Variants in SND1 observed in about 807,000 individuals in gnomAD.
The protein encoded by SND1 is staphylococcal nuclease domain-containing protein 1.
In SND1, 38 loss-of-function variants were observed where a neutral mutation model predicts 121.7. That is an observed-to-expected ratio of 0.31 (90% CI 0.24 to 0.41). The LOEUF (loss-of-function observed/expected upper bound fraction) is 0.41, where lower values mean the gene tolerates loss of function less well. SND1 is among the 10% of genes least tolerant of loss of function. The pLI is 1.00. For missense variants in SND1, 868 were observed against 1,184.6 expected (o/e 0.73, Z 3.92); for synonymous variants, 401 against 447.4 (o/e 0.90, Z 1.31).
At chr7:127,998,142 C>T (rs540870579) in intron 16 of SND1, 2 of 377,854 alleles carry the variant, frequency 5.3e-6, no homozygotes, top group Non-Finnish European at 5.4e-6. Context: ...TTCCTTGTGA[C>T]CTAATTCTAG....
At chr7:127,908,359 T>C (rs4728080) in intron 14 of SND1, among the ~76,000 whole-genome samples, 41,620 of 144,858 alleles carry the variant, frequency 0.29, 6,680 homozygotes, top group East Asian at 0.67. Context: ...TGTGTGTGTG[T>C]GCGTGCGTGT....
intron 16 of SND1, among the ~76,000 whole-genome samples, chr7:127,992,282 AC>A (rs1802540068): frequency 6.6e-6 from 1 of 152,324 alleles, no homozygotes; most frequent in Non-Finnish European, 1.5e-5. Context: ...TTTTGTAGTT[AC>A]ACAATGCTGC....
At chr7:127,985,078 A>G (rs1802354168) in intron 15 of SND1, among the ~76,000 whole-genome samples, 1 of 152,188 alleles carries the variant, frequency 6.6e-6, no homozygotes, top group African/African-American at 2.4e-5. Flanking sequence ...CTACCCTTGA[A>G]GCTGCTACAG....
rs537014086 is a variant in SND1, at chr7:127,834,412, GT to G, written c.1243-9910del. ...TGTGTAATTGTAGGCCAAGGAGTTGGTTGTGTGCCTGTTCACTGTTTTCCAA... is the reference window on the plus strand; with the variant it reads ...TGTGTAATTGTAGGCCAAGGAGTTGGTGTGTGCCTGTTCACTGTTTTCCAA... On this transcript the variant is annotated intron_variant, in intron 11 of 23. Coordinates refer to ENST00000354725, the MANE Select transcript of SND1 (RefSeq NM_014390.4). Among the ~76,000 whole-genome samples, 67 of 152,304 alleles carry G rather than the reference GT, an allele frequency of 4.4e-4. 1 individual carries two copies. The East Asian group carries it at 0.012, about 26-fold the overall frequency.
chr7:127,735,984 A>G (rs530297273), intron 10 of SND1, among the ~76,000 whole-genome samples: 25 of 152,220 alleles, frequency 1.6e-4, no homozygotes, highest in East Asian at 9.7e-4. Context: ...CCTGGCAATG[A>G]TCTCATGGTT....
chr7:127,711,324 T>C (rs1241394989), intron 9 of SND1, among the ~76,000 whole-genome samples: 1 of 152,214 alleles, frequency 6.6e-6, no homozygotes, highest in East Asian at 1.9e-4. Context: ...TTCTGAGACC[T>C]TTCATGTCCA....
chr7:128,061,468 G>C (rs997701664), intron 16 of SND1, among the ~76,000 whole-genome samples: 4 of 152,218 alleles, frequency 2.6e-5, no homozygotes, highest in Admixed American at 2.6e-4. Context: ...AGATGCCCGG[G>C]CTAGGCAAGG....
chr7:127,893,159 T>C (rs1800044892), intron 13 of SND1, among the ~76,000 whole-genome samples: 1 of 152,120 alleles, frequency 6.6e-6, no homozygotes, highest in African/African-American at 2.4e-5. Context: ...TAAAAATCTT[T>C]CATATGCTCT....
intron 16 of SND1, among the ~76,000 whole-genome samples, chr7:128,026,760 C>G (rs1161446253): frequency 6.6e-6 from 1 of 152,158 alleles, no homozygotes; most frequent in African/African-American, 2.4e-5. Flanking sequence ...TGGCCAGGTC[C>G]CAGGAGCTGA....
chr7:127,721,126 C>T (rs1796488915), intron 9 of SND1, among the ~76,000 whole-genome samples, 161 bp from the exon 10 acceptor site: 1 of 152,116 alleles, frequency 6.6e-6, no homozygotes, highest in African/African-American at 2.4e-5. Context: ...ATAATTATAG[C>T]ATAGTTTTCT....
chr7:127,697,004 A>T (rs1272094441), intron 3 of SND1, among the ~76,000 whole-genome samples: 3 of 152,246 alleles, frequency 2.0e-5, no homozygotes, highest in African/African-American at 7.2e-5. Flanking sequence ...TAATGAAAGA[A>T]AACAGTGGCT....
At chr7:127,667,705 C>T (rs1368054759) in intron 1 of SND1, among the ~76,000 whole-genome samples, 4 of 152,184 alleles carry the variant, frequency 2.6e-5, no homozygotes, top group African/African-American at 9.7e-5. Context: ...AGGGCTGAGT[C>T]CATCATTGTT....
At chr7:127,957,805 A>G (rs1468533237) in intron 15 of SND1, among the ~76,000 whole-genome samples, 1 of 152,132 alleles carries the variant, frequency 6.6e-6, no homozygotes, top group African/African-American at 2.4e-5. Flanking sequence ...GGTTCAAGCA[A>G]TTCCCCTGCC....
chr7:127,700,828 A>G (rs1331461439), intron 4 of SND1, among the ~76,000 whole-genome samples: 1 of 152,288 alleles, frequency 6.6e-6, no homozygotes, highest in East Asian at 1.9e-4. Context: ...TGAATCCGGG[A>G]TGGTTAAATG....
chr7:128,045,264 T>TCC (rs769976409), intron 16 of SND1, among the ~76,000 whole-genome samples: 14 of 152,162 alleles, frequency 9.2e-5, no homozygotes, highest in African/African-American at 3.1e-4. Flanking sequence ...TGGCTGTGCC[T>TCC]CCTCCCCACC....
chr7:127,996,261 G>C (rs533393176), intron 16 of SND1, among the ~76,000 whole-genome samples: 1 of 152,222 alleles, frequency 6.6e-6, no homozygotes, highest in African/African-American at 2.4e-5. Context: ...ATTTATGAAG[G>C]GGTGTATGTC....
At chr7:127,695,601 G>A (rs1288705082) in intron 3 of SND1, among the ~76,000 whole-genome samples, 1 of 152,188 alleles carries the variant, frequency 6.6e-6, no homozygotes, top group Non-Finnish European at 1.5e-5. Flanking sequence ...GGAGTGTGAG[G>A]CAGGAGGATC....
intron 10 of SND1, among the ~76,000 whole-genome samples, chr7:127,755,037 G>T (rs1270513636): frequency 4.6e-5 from 7 of 152,232 alleles, no homozygotes; most frequent in African/African-American, 1.7e-4. Flanking sequence ...GGGCCGGGTT[G>T]TAGGGGTGAT....
chr7:127,973,772 C>G (rs77019318), intron 15 of SND1, among the ~76,000 whole-genome samples: 1 of 152,234 alleles, frequency 6.6e-6, no homozygotes, highest in Non-Finnish European at 1.5e-5. Context: ...TATTACTCCC[C>G]CTTCTCATTC....
Sources: gnomAD v4.1 joint callset for allele counts (sites outside exome capture counted in the v4.1 genomes callset) on GRCh38, gnomAD v4.1.1 for gene constraint, MANE v1.5 for transcripts, NCBI Gene and HGNC (gene_info 2026-07-23, HGNC 2026-07-21) for gene names.